The following ANKS1B variants were observed in gnomAD, a reference collection of about 807,000 sequenced individuals.
ANKS1B encodes ankyrin repeat and sterile alpha motif domain containing 1B.
In ANKS1B, 36 loss-of-function variants were observed where a neutral mutation model predicts 148.3. That is an observed-to-expected ratio of 0.24 (90% CI 0.19 to 0.32). The LOEUF (loss-of-function observed/expected upper bound fraction) is 0.32, where lower values mean the gene tolerates loss of function less well. Ranked by LOEUF, ANKS1B falls within the 10% of genes least tolerant of loss-of-function variation. The probability of loss-of-function intolerance (pLI) is 1.00; values close to 1 mark genes in which losing one functional copy is unlikely to be tolerated. For synonymous variants in ANKS1B, 542 were observed against 560.8 expected (o/e 0.97, Z 0.47); for missense variants, 1,157 against 1,542.6 (o/e 0.75, Z 4.19).
intron 12 of ANKS1B, among the ~76,000 whole-genome samples, chr12:99,274,086 A>G (rs1404757688): frequency 6.6e-6 from 1 of 152,036 alleles, no homozygotes; most frequent in Non-Finnish European, 1.5e-5. Context: ...GTCTTCTGTC[A>G]TCTGAAAGTT....
intron 17 of ANKS1B, among the ~76,000 whole-genome samples, chr12:98,943,511 A>C (rs1242820297): frequency 1.3e-5 from 2 of 152,108 alleles, no homozygotes; most frequent in Non-Finnish European, 2.9e-5. Context: ...GAGAGAGTCC[A>C]TTTCCTTGCA....
At chr12:99,249,274 G>A (rs765377556) in intron 12 of ANKS1B, among the ~76,000 whole-genome samples, 1 of 152,096 alleles carries the variant, frequency 6.6e-6, no homozygotes, top group Non-Finnish European at 1.5e-5. Context: ...AAGAGTTTCC[G>A]ACGATGTTCA....
At chr12:99,251,699 T>C (rs2153974205) in intron 12 of ANKS1B, among the ~76,000 whole-genome samples, 1 of 152,304 alleles carries the variant, frequency 6.6e-6, no homozygotes, top group Middle Eastern at 3.4e-3. Flanking sequence ...TGATTAACAA[T>C]AAAATCCAAA....
At chr12:99,816,106 G>A (rs1038768369) in intron 2 of ANKS1B, among the ~76,000 whole-genome samples, 11 of 151,790 alleles carry the variant, frequency 7.2e-5, no homozygotes, top group Non-Finnish European at 1.5e-4. Flanking sequence ...CACCAGCAGC[G>A]TAAAAGTGTT....
rs1035460225 is a variant in ANKS1B, at chr12:99,447,264, T to C, written c.1439-3455A>G. ...GGCATTGGGACACTGGATATTCACA[T>C]GCAGAAGAATAAAATTAGACCTTCA... On this transcript the variant is annotated intron_variant, in intron 10 of 26. Coordinates refer to ENST00000683438, the MANE Select transcript of ANKS1B (RefSeq NM_001352186.2). 2.0e-5 allele frequency among the ~76,000 whole-genome samples: 3 copies of C among 151,998 alleles called. No homozygotes were observed. In the South Asian group the frequency reaches 6.2e-4, roughly 32 times the overall value.
intron 8 of ANKS1B, among the ~76,000 whole-genome samples, chr12:99,757,641 A>G (rs1187113191): frequency 1.3e-5 from 2 of 152,082 alleles, no homozygotes; most frequent in African/African-American, 4.8e-5. Context: ...ATGCACACAT[A>G]TGTTCATTAC....
intron 10 of ANKS1B, among the ~76,000 whole-genome samples, chr12:99,453,239 G>A (rs1595066970): frequency 2.0e-5 from 3 of 152,024 alleles, no homozygotes; most frequent in South Asian, 2.1e-4. Flanking sequence ...GGAGTGAGCC[G>A]AGATTGCACC....
chr12:99,208,779 T>C (rs571125645), intron 14 of ANKS1B, among the ~76,000 whole-genome samples: 1 of 152,322 alleles, frequency 6.6e-6, no homozygotes. Context: ...TTATGGCTTT[T>C]TAATTTGAAA....
intron 1 of ANKS1B, among the ~76,000 whole-genome samples, chr12:99,837,034 G>T (rs1464028213): frequency 6.6e-6 from 1 of 152,130 alleles, no homozygotes; most frequent in African/African-American, 2.4e-5. Flanking sequence ...TTGCTAATCA[G>T]CTGGCTTTAT....
At chr12:99,633,567 T>C (rs943489148) in intron 9 of ANKS1B, among the ~76,000 whole-genome samples, 3 of 152,168 alleles carry the variant, frequency 2.0e-5, no homozygotes, top group African/African-American at 7.2e-5. Context: ...ATTCAGGACA[T>C]AGGCATGGGC....
chr12:99,059,737 TATTTG>T (rs1304407268), intron 16 of ANKS1B, among the ~76,000 whole-genome samples: 1 of 132,506 alleles, frequency 7.5e-6, no homozygotes, highest in African/African-American at 2.8e-5. Flanking sequence ...ATTAGTAACC[TATTTG>T]TTTACCCAGG....
intron 14 of ANKS1B, among the ~76,000 whole-genome samples, chr12:99,191,352 C>T (rs1006266647): frequency 2.6e-5 from 4 of 152,124 alleles, no homozygotes; most frequent in Non-Finnish European, 4.4e-5. Context: ...TGGGTACATA[C>T]CCAAAGGAGT....
Position 99,447,740 on chromosome 12 carries a change from C to CA in ANKS1B, c.1439-3932dup, listed in dbSNP as rs1183755855. On this transcript the variant is annotated intron_variant, in intron 10 of 26. Coordinates refer to ENST00000683438, the MANE Select transcript of ANKS1B (RefSeq NM_001352186.2). ...GTTAACATCCAAAATATATGGAACTCAAACAACTCATAGTGAGAAAACAAT... is the reference window on the plus strand; with the variant it reads ...GTTAACATCCAAAATATATGGAACTCAAAACAACTCATAGTGAGAAAACAAT... 2.0e-5 allele frequency among the ~76,000 whole-genome samples: 3 copies of CA among 152,106 alleles called. No homozygotes were observed. The East Asian group carries it at 5.8e-4, about 29-fold the overall frequency.
chr12:98,812,810 C>G (rs2099108359), intron 19 of ANKS1B, among the ~76,000 whole-genome samples: 1 of 152,078 alleles, frequency 6.6e-6, no homozygotes. Context: ...CGCCTGGCCT[C>G]AAGTGATCCA....
chr12:98,888,503 C>T (rs1189911788), intron 17 of ANKS1B, among the ~76,000 whole-genome samples: 1 of 152,200 alleles, frequency 6.6e-6, no homozygotes, highest in Non-Finnish European at 1.5e-5. Context: ...TTACATTCCC[C>T]AGCTGCTTCA....
At chr12:98,968,443 A>G (rs1368358064) in intron 17 of ANKS1B, among the ~76,000 whole-genome samples, 1 of 152,182 alleles carries the variant, frequency 6.6e-6, no homozygotes, top group African/African-American at 2.4e-5. Flanking sequence ...ACTGCTCTAG[A>G]TAAGTCATAC....
intron 12 of ANKS1B, among the ~76,000 whole-genome samples, chr12:99,280,412 G>C (rs76182886): frequency 0.019 from 2,957 of 152,190 alleles, 87 homozygotes; most frequent in African/African-American, 0.066. Context: ...ATATTAGTTA[G>C]TTCTGGACAA....
At chr12:99,725,176 T>C (rs368679348) in intron 8 of ANKS1B, among the ~76,000 whole-genome samples, 1 of 152,178 alleles carries the variant, frequency 6.6e-6, no homozygotes, top group African/African-American at 2.4e-5. Flanking sequence ...TAAATGTAAA[T>C]GGGCTAAATG....
At position 99,825,233 on chromosome 12, in the gene ANKS1B, G is replaced by A; in HGVS notation, c.215+76C>T. On this transcript the variant is annotated intron_variant, in intron 2 of 26. Transcript: ENST00000683438. ...ATTGGACTCACAGAGACATGAGAAA[G>A]GTATCGTCAAGACATAATTAACTTC... 6.5e-6 allele frequency: 8 copies of A among 1,237,520 alleles called. No individual in the cohort carries two copies. The South Asian group carries it at 9.2e-5, about 14-fold the overall frequency. The allele number at this position is 1,237,520 out of a possible 1,614,324, so 76.7% of individuals were successfully genotyped here.
Sources: allele counts gnomAD v4.1 joint callset (sites outside exome capture counted in the v4.1 genomes callset), GRCh38; gene constraint gnomAD v4.1.1; transcripts MANE v1.5; gene names NCBI Gene and HGNC (gene_info 2026-07-23, HGNC 2026-07-21).